GSS: variants seen among roughly 807,000 people sequenced by gnomAD.
GSS encodes GSH synthetase.
GSS carries 34 observed loss-of-function variants against 60.4 expected under a neutral mutation model. The observed-to-expected ratio is 0.56, with a 90% CI of 0.43 to 0.75. GSS has a LOEUF of 0.75. GSS is among the 30% of genes least tolerant of loss of function. The pLI, the probability that GSS is intolerant of heterozygous loss-of-function variation, is 0.00. For missense variants in GSS, 499 were observed against 595.1 expected, an observed-to-expected ratio of 0.84 and a Z score of 1.68; for synonymous variants, 224 against 239.0, an observed-to-expected ratio of 0.94 and a Z score of 0.58.
chr20:34,931,266 G>A, intron 11 of GSS, 70 bp downstream of exon 11: 2 of 1,188,360 alleles, frequency 1.7e-6, no homozygotes, highest in Non-Finnish European at 2.5e-6. Context: ...CAGAGTAAGT[G>A]CCAATGAGCA....
At chr20:34,953,028 G>A (rs1206695136) in intron 1 of GSS, among the ~76,000 whole-genome samples, 1 of 152,224 alleles carries the variant, frequency 6.6e-6, no homozygotes, top group Non-Finnish European at 1.5e-5. Context: ...GATGGAAATT[G>A]CTGAAACCCA....
At chr20:34,932,263 T>C (rs2081408051) in intron 9 of GSS, 130 bp from the exon 10 acceptor site, 2 of 789,386 alleles carry the variant, frequency 2.5e-6, no homozygotes, top group Admixed American at 2.0e-5. Context: ...AGGATCATTC[T>C]AACATCCTTG....
chr20:34,933,530 G>T (rs1265239993), intron 9 of GSS: 1 of 153,610 alleles, frequency 6.5e-6, no homozygotes, highest in Non-Finnish European at 1.5e-5. Context: ...GCAATGGGGA[G>T]ACAGTCTGTC....
Position 34,931,199 on chromosome 20 carries a change from G to C in GSS, c.1111+137C>G, listed in dbSNP as rs1046023366. ...TGGTCACAGGGTCTTAGGGGACACTGTCCAACATGTGGCCTGTGTCAGTTC... is the reference window on the plus strand; with the variant it reads ...TGGTCACAGGGTCTTAGGGGACACTCTCCAACATGTGGCCTGTGTCAGTTC... On this transcript the variant is annotated intron_variant, in intron 11 of 12. Transcript: ENST00000651619. The C allele has an allele frequency of 5.3e-6, 4 of 755,692 alleles. No homozygotes were observed. In the African/African-American group the frequency reaches 6.9e-5, roughly 13 times the overall value. 46.8% of individuals were successfully genotyped at this position (755,692 alleles called of 1,614,324 possible).
At chr20:34,942,055 C>T (rs923653778) in intron 5 of GSS, among the ~76,000 whole-genome samples, 3 of 152,160 alleles carry the variant, frequency 2.0e-5, no homozygotes, top group African/African-American at 7.2e-5. Context: ...TCTGTCCCCA[C>T]CCCAACCTAC....
intron 6 of GSS, among the ~76,000 whole-genome samples, chr20:34,937,793 C>T (rs572260566): frequency 3.7e-4 from 57 of 152,312 alleles, no homozygotes; most frequent in Admixed American, 7.2e-4. Context: ...TAGGTCCAGT[C>T]CCCTAAGAGA....
intron 6 of GSS, among the ~76,000 whole-genome samples, chr20:34,938,420 C>A (rs2081457640): frequency 6.6e-6 from 1 of 152,138 alleles, no homozygotes; most frequent in South Asian, 2.1e-4. Flanking sequence ...CTCATGAGGT[C>A]AGATGTGATG....
chr20:34,928,538 C>T lies in GSS; in HGVS notation c.*290G>A, dbSNP rs1414425226. 3.9e-6 allele frequency: 2 copies of T among 508,672 alleles called. No homozygotes were observed. The highest frequency in any genetic ancestry group is 3.8e-5 in the African/African-American group (2 of 52,016). 31.5% of individuals were successfully genotyped at this position (508,672 alleles called of 1,614,324 possible). On this transcript the variant is annotated 3_prime_UTR_variant, in exon 13 of 13. Coordinates refer to ENST00000651619, the MANE Select transcript of GSS (RefSeq NM_000178.4). ...TCCTATCCCAAGTCAGGCACTGGAACCTGCTGAAAAGGCTGATGAGGGGCT... is the reference window on the plus strand; with the variant it reads ...TCCTATCCCAAGTCAGGCACTGGAATCTGCTGAAAAGGCTGATGAGGGGCT...
At chr20:34,931,036 G>A (rs897918673) in intron 11 of GSS, among the ~76,000 whole-genome samples, 2 of 152,110 alleles carry the variant, frequency 1.3e-5, no homozygotes, top group South Asian at 4.1e-4. Flanking sequence ...AACTAGAAAG[G>A]AAAACAGACA....
chr20:34,936,614 A>T, intron 8 of GSS, 149 bp downstream of exon 8: 2 of 797,600 alleles, frequency 2.5e-6, no homozygotes, highest in African/African-American at 3.4e-5. Context: ...GCTTTCTCCA[A>T]AATTTCCTGG....
intron 1 of GSS, chr20:34,955,068 T>C (rs2081610569): frequency 6.6e-6 from 1 of 152,170 alleles, no homozygotes; most frequent in Admixed American, 6.5e-5. Context: ...GTCTTCTCTT[T>C]GGAACTCTCG....
At chr20:34,935,396 G>A (rs915599622) in intron 9 of GSS, among the ~76,000 whole-genome samples, 180 bp downstream of exon 9, 3 of 152,188 alleles carry the variant, frequency 2.0e-5, no homozygotes, top group African/African-American at 4.8e-5. Context: ...CTAGAAGACT[G>A]TGTAGAGTGA....
At chr20:34,940,305 T>C (rs1327093501) in intron 6 of GSS, among the ~76,000 whole-genome samples, 1 of 152,240 alleles carries the variant, frequency 6.6e-6, no homozygotes, top group African/African-American at 2.4e-5. Context: ...GCAGCATTTG[T>C]CTGTCAGCAG....
At chr20:34,953,290 GT>G (rs2081583287) in intron 1 of GSS, among the ~76,000 whole-genome samples, 1 of 151,102 alleles carries the variant, frequency 6.6e-6, no homozygotes, top group Admixed American at 6.5e-5. Context: ...ATTCAGCTCT[GT>G]CCCCCTGTCC....
At chr20:34,931,290 G>A (rs1161667070) in intron 11 of GSS, 46 bp downstream of exon 11, 6 of 1,437,806 alleles carry the variant, frequency 4.2e-6, no homozygotes, top group Non-Finnish European at 5.9e-6. Flanking sequence ...GCCACAGCCT[G>A]CTAGTCCCTC....
chr20:34,946,113 A>C lies in GSS; in HGVS notation c.130-15T>G. The C allele has an allele frequency of 6.2e-7, 1 of 1,604,696 alleles. No homozygotes were observed. Among genetic ancestry groups the C allele is most frequent in the Non-Finnish European group, 8.5e-7 (1 of 1,172,726 alleles). ...TAGCTCACCACCTGTGATCAAGAAG[A>C]GAGAATGGGACAGGGGTAGGGCACC... On this transcript the variant is annotated splice_polypyrimidine_tract_variant and intron_variant, in intron 2 of 12. Coordinates refer to ENST00000651619, the MANE Select transcript of GSS (RefSeq NM_000178.4).
At chr20:34,937,056 T>C (rs763829752) in intron 6 of GSS, 33 bp from the exon 7 acceptor site, 1 of 1,516,310 alleles carries the variant, frequency 6.6e-7, no homozygotes, top group Non-Finnish European at 9.2e-7. Context: ...CCGAGGCTAC[T>C]ATAGAACTTG....
At chr20:34,946,305 G>A (rs1338010423) in intron 2 of GSS, among the ~76,000 whole-genome samples, 1 of 152,178 alleles carries the variant, frequency 6.6e-6, no homozygotes, top group East Asian at 1.9e-4. Flanking sequence ...ACGTATTGAA[G>A]AGAGAGAAGC....
intron 2 of GSS, among the ~76,000 whole-genome samples, chr20:34,950,926 T>G (rs969869372): frequency 4.6e-5 from 7 of 152,186 alleles, no homozygotes; most frequent in Non-Finnish European, 1.0e-4. Context: ...AAGATTTTAT[T>G]TTTTTATTTT....
Sources: allele counts gnomAD v4.1 joint callset (sites outside exome capture counted in the v4.1 genomes callset), GRCh38; gene constraint gnomAD v4.1.1; transcripts MANE v1.5; gene names NCBI Gene and HGNC (gene_info 2026-07-23, HGNC 2026-07-21).